The following MASP1 variants were observed in gnomAD, a reference collection of about 807,000 sequenced individuals.
The protein encoded by MASP1 is MBL associated serine protease 1, also known as mannan-binding lectin serine protease 1.
In MASP1, 59 loss-of-function variants were observed where a neutral mutation model predicts 77.1. That is an observed-to-expected ratio of 0.77 (90% CI 0.62 to 0.95). The LOEUF (loss-of-function observed/expected upper bound fraction) is 0.95. Ranked by LOEUF, MASP1 falls within the 40% of genes least tolerant of loss-of-function variation. The pLI is 0.00. For synonymous variants in MASP1, 362 were observed against 354.5 expected (o/e 1.02, Z -0.24); for missense variants, 885 against 912.9 (o/e 0.97, Z 0.39).
chr3:187,242,022 C>A (rs755367732), intron 9 of MASP1: 1 of 180,248 alleles, frequency 5.5e-6, no homozygotes, highest in South Asian at 1.3e-4. Flanking sequence ...CCCCACCCCA[C>A]GCTGCCCAGG....
chr3:187,227,713 AG>A (rs1712518145), intron 11 of MASP1, among the ~76,000 whole-genome samples: 1 of 152,176 alleles, frequency 6.6e-6, no homozygotes, highest in Non-Finnish European at 1.5e-5. Flanking sequence ...GCCCATGTCC[AG>A]GACCAGATTT....
At chr3:187,223,212 C>T (rs745636111) in intron 13 of MASP1, 5 of 1,610,828 alleles carry the variant, frequency 3.1e-6, no homozygotes, top group Non-Finnish European at 4.2e-6. Flanking sequence ...AGAGAAGATA[C>T]TGTGAGAACA....
At chr3:187,219,168 C>T (rs562034927) in exon 16 of MASP1, 4 of 152,274 alleles carry the variant, frequency 2.6e-5, no homozygotes, top group South Asian at 2.1e-4. Context: ...TCCTTTGAAC[C>T]GATTGTAATT....
chr3:187,234,850 A>T lies in MASP1; in HGVS notation c.*834T>A. ...AGATAATACATTTCAAGGCTGAAAG[A>T]TTGCTTTGTGCTTGTCTGGAGCAGC... On this transcript the variant is annotated 3_prime_UTR_variant, in exon 11 of 11. Coordinates refer to ENST00000296280, the MANE Select transcript of MASP1 (RefSeq NM_139125.4). 1 of 1,287,244 alleles carries T rather than the reference A, an allele frequency of 7.8e-7. No individual in the cohort carries two copies. The highest frequency in any genetic ancestry group is 3.3e-4 in the Middle Eastern group (1 of 3,064). The allele number at this position is 1,287,244 out of a possible 1,614,324, so 79.7% of individuals were successfully genotyped here.
At chr3:187,259,905 T>C (rs769431401) in intron 4 of MASP1, among the ~76,000 whole-genome samples, 2 of 152,182 alleles carry the variant, frequency 1.3e-5, no homozygotes, top group Non-Finnish European at 2.9e-5. Context: ...CCTGAAACAT[T>C]CCAAGTTCTA....
At position 187,234,775 on chromosome 3, in the gene MASP1, G is replaced by A. The variant is rs1368302328; in HGVS notation, c.*909C>T. 2.3e-6 allele frequency: 3 copies of A among 1,287,226 alleles called. No homozygotes were observed. The South Asian group carries it at 3.7e-5, about 16-fold the overall frequency. 79.7% of individuals were successfully genotyped at this position (1,287,226 alleles called of 1,614,324 possible). On this transcript the variant is annotated 3_prime_UTR_variant, in exon 11 of 11. Coordinates refer to ENST00000296280, the MANE Select transcript of MASP1 (RefSeq NM_139125.4). ...ACAGTGTGGGTCTTTTCTTTTTCCAGGTAATCGACTAAGTCCCCATATTCG... is the reference window on the plus strand; with the variant it reads ...ACAGTGTGGGTCTTTTCTTTTTCCAAGTAATCGACTAAGTCCCCATATTCG...
chr3:187,243,217 CATT>C lies in MASP1; in HGVS notation c.1228+264_1228+266del, dbSNP rs10530596. On this transcript the variant is annotated intron_variant, in intron 9 of 10. Transcript: ENST00000296280. ...CTCCTTCACGCTCCCACCAACAACT[CATT>C]AGTAAATCAGTGCTAGCTTTAAAGT... 4.8e-3 allele frequency: 2,211 copies of C among 461,724 alleles called. 38 individuals carry two copies. The highest frequency in any genetic ancestry group is 0.041 in the African/African-American group (2,071 of 50,654). The allele number at this position is 461,724 out of a possible 1,614,324, so 28.6% of individuals were successfully genotyped here. A position where few individuals can be genotyped will look rare whatever the true frequency, so the allele number is the denominator to read the frequency against.
At chr3:187,221,835 A>T (rs145166854) in intron 14 of MASP1, among the ~76,000 whole-genome samples, 2 of 152,280 alleles carry the variant, frequency 1.3e-5, no homozygotes, top group Non-Finnish European at 2.9e-5. Flanking sequence ...ATTTTTTGCA[A>T]TGCAGCAAAA....
intron 2 of MASP1, among the ~76,000 whole-genome samples, chr3:187,275,693 A>G (rs1716903921): frequency 6.6e-6 from 1 of 152,090 alleles, no homozygotes. Context: ...TGATTGTTCT[A>G]TGCTCTATGC....
rs115022399 is a variant in MASP1 at position 187,235,961 on chromosome 3, C to T, written c.1910G>A (p.Arg637His). The T allele has an allele frequency of 5.0e-5, 80 of 1,614,108 alleles. No homozygotes were observed. The highest frequency in any genetic ancestry group is 6.4e-5 in the Non-Finnish European group (75 of 1,180,058). ...CTCCGTGACGCTGTAATTGCCCGAGCGGGACTCATAGCTAGTTTTGCACTC... is the reference window on the plus strand; with the variant it reads ...CTCCGTGACGCTGTAATTGCCCGAGTGGGACTCATAGCTAGTTTTGCACTC... The part of the protein sequence containing the change: ...HAECKTSYES[R>H]SGNYSVTENM... Residue 637 changes from arginine (R) to histidine (H), a missense_variant, in exon 11 of 11, where the codon CGC (arginine) becomes CAC (histidine). Arg to His is a conservative substitution (Grantham distance 29). Transcript: ENST00000296280.
chr3:187,253,034 G>T, intron 6 of MASP1, 134 bp downstream of exon 6: 2 of 1,151,490 alleles, frequency 1.7e-6, no homozygotes, highest in Non-Finnish European at 2.6e-6. Context: ...ACGTGCCTTG[G>T]TCCCCAGCTG....
At chr3:187,285,718 G>A in intron 2 of MASP1, 107 bp downstream of exon 2, 1 of 856,598 alleles carries the variant, frequency 1.2e-6, no homozygotes, top group Non-Finnish European at 2.0e-6. Context: ...TTGTGATGTT[G>A]TGTGTCTCTC....
chr3:187,288,228 G>A (rs13064994), intron 1 of MASP1, among the ~76,000 whole-genome samples: 31,239 of 152,148 alleles, frequency 0.21, 3,962 homozygotes, highest in Admixed American at 0.33. Flanking sequence ...TCTGTGGAAG[G>A]AGGGCCTCAG....
chr3:187,224,407 C>T (rs912091402), intron 13 of MASP1, among the ~76,000 whole-genome samples: 10 of 134,806 alleles, frequency 7.4e-5, no homozygotes, highest in Non-Finnish European at 9.1e-5. Context: ...AGTGCAGTGG[C>T]GGGATCTCGG....
chr3:187,270,927 A>G (rs969763253), intron 2 of MASP1, among the ~76,000 whole-genome samples: 3 of 152,212 alleles, frequency 2.0e-5, no homozygotes, highest in African/African-American at 7.2e-5. Flanking sequence ...CAAAAGGACC[A>G]TCTCATTGGG....
At chr3:187,250,379 G>A in intron 7 of MASP1, 50 bp from the exon 8 acceptor site, 1 of 1,416,160 alleles carries the variant, frequency 7.1e-7, no homozygotes, top group Non-Finnish European at 1.0e-6. Flanking sequence ...TGGGGGTGGT[G>A]TCAGGGGTTT....
chr3:187,262,608 G>T lies in MASP1; in HGVS notation c.350C>A (p.Thr117Asn). 3 of 1,614,154 alleles carry T rather than the reference G, an allele frequency of 1.9e-6. No individual in the cohort carries two copies. The highest frequency in any genetic ancestry group is 2.5e-6 in the Non-Finnish European group (3 of 1,180,018). The change falls in exon 3 of 11, where the codon ACT (threonine) becomes AAT (asparagine). Residue 117 changes from threonine (T) to asparagine (N), a missense_variant. Physicochemically the swap from Thr to Asn is moderately conservative, Grantham distance 65 (BLOSUM62 0). Transcript: ENST00000296280. ...CTCATTGGAGAAATCTGACCGGAAA[G>T]TGATGGACATGAAGGAGCCAGGGGA... is the stretch of plus-strand genomic sequence containing the variant. ...VLSPGSFMSI[T>N]FRSDFSNEER...
intron 8 of MASP1, among the ~76,000 whole-genome samples, chr3:187,248,683 T>G (rs966410200): frequency 6.6e-6 from 1 of 152,146 alleles, no homozygotes; most frequent in Non-Finnish European, 1.5e-5. Flanking sequence ...AGTTCCGCCA[T>G]GCCCGGACCT....
chr3:187,251,412 T>TAAAA, intron 7 of MASP1: 49 of 456,374 alleles, frequency 1.1e-4, no homozygotes, highest in East Asian at 1.2e-4. Flanking sequence ...ATGCTCTGAT[T>TAAAA]AAAAAAAAAA....
Sources: allele counts gnomAD v4.1 joint callset (sites outside exome capture counted in the v4.1 genomes callset), GRCh38; gene constraint gnomAD v4.1.1; transcripts MANE v1.5; gene names NCBI Gene and HGNC (gene_info 2026-07-23, HGNC 2026-07-21).